The following SLC35F4 variants were observed in gnomAD, a reference collection of about 807,000 sequenced individuals.
SLC35F4 encodes solute carrier family 35 member F4.
SLC35F4 carries 24 observed loss-of-function variants against 44.2 expected under a neutral mutation model. That is an observed-to-expected ratio of 0.54 (90% CI 0.39 to 0.76). SLC35F4 has a LOEUF of 0.76. SLC35F4 is among the 30% of genes least tolerant of loss of function. SLC35F4 has a pLI of 0.00. For missense variants in SLC35F4, 562 were observed against 586.1 expected, an observed-to-expected ratio of 0.96 and a Z score of 0.42; for synonymous variants, 238 against 223.6, an observed-to-expected ratio of 1.06 and a Z score of -0.57.
intron 1 of SLC35F4, among the ~76,000 whole-genome samples, chr14:57,634,048 G>C (rs922709190): frequency 6.6e-6 from 1 of 152,080 alleles, no homozygotes; most frequent in African/African-American, 2.4e-5. Flanking sequence ...GATATGCTCA[G>C]CTGTGTTAAA....
At chr14:57,822,943 C>CA (rs1283389105) in intron 1 of SLC35F4, among the ~76,000 whole-genome samples, 3 of 152,070 alleles carry the variant, frequency 2.0e-5, no homozygotes, top group Admixed American at 6.6e-5. Context: ...TCCCAGGCAT[C>CA]AAAAAATCCA....
intron 1 of SLC35F4, among the ~76,000 whole-genome samples, chr14:57,796,040 A>T (rs998403753): frequency 2.0e-5 from 3 of 152,186 alleles, no homozygotes; most frequent in African/African-American, 7.2e-5. Flanking sequence ...AAATAAGAAC[A>T]TGCAGTGTTT....
intron 1 of SLC35F4, among the ~76,000 whole-genome samples, chr14:57,620,178 G>A (rs1289137650): frequency 6.6e-6 from 1 of 152,028 alleles, no homozygotes. Flanking sequence ...TTCCAATTCA[G>A]GAAATACAGA....
chr14:57,710,599 C>A (rs1287988011), intron 1 of SLC35F4, among the ~76,000 whole-genome samples: 1 of 152,176 alleles, frequency 6.6e-6, no homozygotes, highest in Non-Finnish European at 1.5e-5. Flanking sequence ...AGGATGGGGG[C>A]TGTACCCTGC....
At chr14:57,807,341 C>G (rs1881447243) in intron 1 of SLC35F4, among the ~76,000 whole-genome samples, 1 of 149,616 alleles carries the variant, frequency 6.7e-6, no homozygotes, top group Non-Finnish European at 1.5e-5. Flanking sequence ...CCAGGTAGTT[C>G]TGCCTAACTC....
At chr14:57,761,892 TA>T (rs200042885) in intron 1 of SLC35F4, among the ~76,000 whole-genome samples, 3 of 151,066 alleles carry the variant, frequency 2.0e-5, no homozygotes, top group African/African-American at 4.9e-5. Flanking sequence ...TCATGTTACT[TA>T]AAAAAAAAGA....
chr14:57,578,326 T>TTTTTTTTG (rs2068963952), intron 4 of SLC35F4, among the ~76,000 whole-genome samples: 1 of 25,230 alleles, frequency 4.0e-5, no homozygotes, highest in Non-Finnish European at 7.6e-5. Context: ...CCTTTAACTG[T>TTTTTTTTG]TTTTTTTTTT....
At chr14:57,686,807 T>C (rs938018969) in intron 1 of SLC35F4, among the ~76,000 whole-genome samples, 17 of 152,164 alleles carry the variant, frequency 1.1e-4, no homozygotes, top group Non-Finnish European at 2.2e-4. Context: ...TTATTAATTA[T>C]ATTTTTAGAT....
chr14:57,806,116 A>G (rs1368075706), intron 1 of SLC35F4, among the ~76,000 whole-genome samples: 1 of 152,166 alleles, frequency 6.6e-6, no homozygotes, highest in East Asian at 1.9e-4. Flanking sequence ...GTAGTTTTCC[A>G]TTTTTGTATG....
intron 1 of SLC35F4, among the ~76,000 whole-genome samples, chr14:57,897,208 T>G (rs527491334): frequency 6.6e-6 from 1 of 152,130 alleles, no homozygotes; most frequent in Non-Finnish European, 1.5e-5. Flanking sequence ...ACATCAGGAC[T>G]GTTAGCACCA....
intron 1 of SLC35F4, among the ~76,000 whole-genome samples, chr14:57,666,174 G>C (rs912678043): frequency 6.6e-6 from 1 of 152,186 alleles, no homozygotes; most frequent in Admixed American, 6.5e-5. Flanking sequence ...TGTACAGACA[G>C]AAACTAAGGC....
At chr14:57,681,186 G>A (rs1035047235) in intron 1 of SLC35F4, among the ~76,000 whole-genome samples, 4 of 152,046 alleles carry the variant, frequency 2.6e-5, no homozygotes, top group Admixed American at 2.6e-4. Flanking sequence ...ATAGACCAAT[G>A]CAACAGAACA....
intron 1 of SLC35F4, among the ~76,000 whole-genome samples, chr14:57,736,278 A>G (rs2076461816): frequency 6.6e-6 from 1 of 152,194 alleles, no homozygotes; most frequent in Admixed American, 6.5e-5. Flanking sequence ...GGCTGCATTA[A>G]AAATCCTTTA....
At chr14:57,791,548 C>T (rs2077919986) in intron 1 of SLC35F4, among the ~76,000 whole-genome samples, 1 of 152,138 alleles carries the variant, frequency 6.6e-6, no homozygotes. Context: ...TAAATTAGTT[C>T]AACCATTGTG....
At chr14:57,750,530 T>C (rs1200051570) in intron 1 of SLC35F4, among the ~76,000 whole-genome samples, 2 of 152,250 alleles carry the variant, frequency 1.3e-5, no homozygotes, top group African/African-American at 4.8e-5. Flanking sequence ...ATCCACATTG[T>C]TGCCAACATC....
chr14:57,782,863 A>C (rs935095952), intron 1 of SLC35F4, among the ~76,000 whole-genome samples: 3 of 152,208 alleles, frequency 2.0e-5, no homozygotes, highest in Non-Finnish European at 4.4e-5. Flanking sequence ...GAAGCAGAGA[A>C]AAGTCATGAC....
intron 1 of SLC35F4, among the ~76,000 whole-genome samples, chr14:57,678,904 T>C (rs778322880): frequency 1.4e-4 from 22 of 152,028 alleles, no homozygotes; most frequent in Non-Finnish European, 4.4e-5. Context: ...CAAAGAGACT[T>C]AGACTCCCAC....
intron 1 of SLC35F4, among the ~76,000 whole-genome samples, chr14:57,932,511 A>G (rs1184634169): frequency 1.3e-5 from 2 of 152,190 alleles, no homozygotes; most frequent in Admixed American, 1.3e-4. Context: ...GATATGAATC[A>G]TTCACTGGGA....
chr14:57,853,119 A>G (rs1886737883), intron 1 of SLC35F4, among the ~76,000 whole-genome samples: 1 of 152,210 alleles, frequency 6.6e-6, no homozygotes, highest in Non-Finnish European at 1.5e-5. Context: ...AAAAAGAAAT[A>G]CGTTTTCCAA....
Sources: gnomAD v4.1 joint callset for allele counts (sites outside exome capture counted in the v4.1 genomes callset) on GRCh38, gnomAD v4.1.1 for gene constraint, MANE v1.5 for transcripts, NCBI Gene and HGNC (gene_info 2026-07-23, HGNC 2026-07-21) for gene names.